SNCAIP: variants seen among roughly 807,000 people sequenced by gnomAD.
The protein encoded by SNCAIP is synphilin-1.
A neutral mutation model predicts 86.7 loss-of-function variants in SNCAIP; 43 were observed. The ratio of observed to expected loss-of-function variants is 0.50; its 90% CI spans 0.39 to 0.64. The LOEUF is 0.64. Among genes scored for constraint, SNCAIP ranks in the 30% least tolerant of loss-of-function variants. SNCAIP has a pLI of 0.00. For missense variants in SNCAIP, 981 were observed against 1,103.1 expected (o/e 0.89, Z 1.57); for synonymous variants, 417 against 427.2 (o/e 0.98, Z 0.29).
intron 2 of SNCAIP, among the ~76,000 whole-genome samples, chr5:122,401,978 C>T (rs1459172227): frequency 6.6e-6 from 1 of 152,018 alleles, no homozygotes; most frequent in African/African-American, 2.4e-5. Flanking sequence ...CCATTTTAAT[C>T]AGATATATAT....
chr5:122,339,421 T>G (rs917030744), intron 1 of SNCAIP, among the ~76,000 whole-genome samples: 2 of 152,182 alleles, frequency 1.3e-5, no homozygotes, highest in African/African-American at 2.4e-5. Context: ...TAGATACATT[T>G]AAGTTTTCTT....
At chr5:122,383,178 C>G (rs1561632024) in intron 1 of SNCAIP, among the ~76,000 whole-genome samples, 1 of 152,126 alleles carries the variant, frequency 6.6e-6, no homozygotes, top group Non-Finnish European at 1.5e-5. Flanking sequence ...GACTGCTGTG[C>G]TAGCAATCAG....
intron 1 of SNCAIP, among the ~76,000 whole-genome samples, chr5:122,380,250 C>A (rs1346539830): frequency 5.3e-5 from 8 of 152,126 alleles, no homozygotes; most frequent in Non-Finnish European, 1.0e-4. Context: ...GATTCAACTT[C>A]TTCCTGGTTT....
chr5:122,450,427 T>C, intron 9 of SNCAIP, 106 bp from the exon 10 acceptor site: 1 of 834,272 alleles, frequency 1.2e-6, no homozygotes, highest in Non-Finnish European at 2.1e-6. Context: ...CTGTATTCTG[T>C]TCTTATTTAC....
chr5:122,437,293 G>A (rs1363794411), intron 6 of SNCAIP: 1 of 152,156 alleles, frequency 6.6e-6, no homozygotes, highest in African/African-American at 2.4e-5. Flanking sequence ...TGGTAGAACT[G>A]TGCATCTCCA....
At chr5:122,362,740 C>G (rs1235685156) in intron 1 of SNCAIP, among the ~76,000 whole-genome samples, 4 of 152,158 alleles carry the variant, frequency 2.6e-5, no homozygotes, top group South Asian at 2.1e-4. Flanking sequence ...GAGGGTCCAA[C>G]TGAGGCTGAA....
chr5:122,379,557 C>T (rs1278253299), intron 1 of SNCAIP, among the ~76,000 whole-genome samples: 135 of 147,608 alleles, frequency 9.1e-4, no homozygotes, highest in African/African-American at 3.1e-3. Context: ...ATTGCCCTGG[C>T]CAGAACTTCC....
intron 10 of SNCAIP, among the ~76,000 whole-genome samples, chr5:122,456,171 C>T (rs1480481640): frequency 1.3e-5 from 2 of 152,190 alleles, no homozygotes; most frequent in East Asian, 3.8e-4. Flanking sequence ...ACGCCTAATC[C>T]TAGCACCAGC....
chr5:122,322,516 C>G (rs1276138389), intron 1 of SNCAIP, among the ~76,000 whole-genome samples: 2 of 152,178 alleles, frequency 1.3e-5, no homozygotes, highest in Non-Finnish European at 2.9e-5. Flanking sequence ...TGAATAAGGT[C>G]TAACCTCAGT....
At chr5:122,333,503 G>T (rs1302450513) in intron 1 of SNCAIP, among the ~76,000 whole-genome samples, 1 of 152,160 alleles carries the variant, frequency 6.6e-6, no homozygotes, top group Non-Finnish European at 1.5e-5. Flanking sequence ...AGAATCTCAG[G>T]AATTCTTTAA....
intron 10 of SNCAIP, 104 bp from the exon 11 acceptor site, chr5:122,463,385 TTG>T: frequency 1.3e-6 from 1 of 751,068 alleles, no homozygotes; most frequent in Non-Finnish European, 2.4e-6. Flanking sequence ...TCAGTGTGGT[TTG>T]TGTGAGGATA....
intron 1 of SNCAIP, among the ~76,000 whole-genome samples, chr5:122,362,359 G>T (rs2152769835): frequency 6.6e-6 from 1 of 152,280 alleles, no homozygotes; most frequent in African/African-American, 2.4e-5. Context: ...CAAAGAAATA[G>T]AAAGATTATC....
intron 3 of SNCAIP, 114 bp downstream of exon 3, chr5:122,403,979 G>T: frequency 2.5e-6 from 2 of 786,464 alleles, no homozygotes; most frequent in South Asian, 2.9e-5. Flanking sequence ...TTCTCTTTAC[G>T]GCTTCTCCAC....
At chr5:122,414,293 C>G (rs1422648106) in intron 3 of SNCAIP, among the ~76,000 whole-genome samples, 1 of 150,858 alleles carries the variant, frequency 6.6e-6, no homozygotes, top group East Asian at 1.9e-4. Flanking sequence ...TGCAATGGCA[C>G]AATCTCAGCT....
intron 1 of SNCAIP, among the ~76,000 whole-genome samples, chr5:122,357,258 C>CA (rs2152757178): frequency 6.6e-6 from 1 of 152,104 alleles, no homozygotes; most frequent in South Asian, 2.1e-4. Context: ...TATTTCAAGA[C>CA]AGAGTCTTGC....
intron 1 of SNCAIP, among the ~76,000 whole-genome samples, chr5:122,316,486 G>T (rs1225373075): frequency 6.6e-6 from 1 of 152,166 alleles, no homozygotes; most frequent in Non-Finnish European, 1.5e-5. Flanking sequence ...ACCAACAAAT[G>T]CTCACCACAG....
chr5:122,352,657 T>A (rs1760108728), intron 1 of SNCAIP, among the ~76,000 whole-genome samples: 2 of 152,216 alleles, frequency 1.3e-5, no homozygotes, highest in South Asian at 4.1e-4. Context: ...CATCTTGTTT[T>A]ACAGTAAATT....
At chr5:122,404,559 G>A (rs1167604566) in intron 3 of SNCAIP, among the ~76,000 whole-genome samples, 1 of 152,084 alleles carries the variant, frequency 6.6e-6, no homozygotes, top group Non-Finnish European at 1.5e-5. Flanking sequence ...ATTGATGGGA[G>A]TGATACCATG....
At chr5:122,408,551 A>G (rs1023668567) in intron 3 of SNCAIP, among the ~76,000 whole-genome samples, 2 of 152,286 alleles carry the variant, frequency 1.3e-5, no homozygotes, top group East Asian at 1.9e-4. Context: ...TTTGATTCCT[A>G]TTGAAGTCTA....
Sources: gnomAD v4.1 joint callset for allele counts (sites outside exome capture counted in the v4.1 genomes callset) on GRCh38, gnomAD v4.1.1 for gene constraint, MANE v1.5 for transcripts, NCBI Gene and HGNC (gene_info 2026-07-23, HGNC 2026-07-21) for gene names.